Variants in TMEM132B observed in about 807,000 individuals in gnomAD.
TMEM132B encodes transmembrane protein 132B.
Under a neutral mutation model 90.8 loss-of-function variants are expected in TMEM132B, and 18 were observed. The ratio of observed to expected loss-of-function variants is 0.20; its 90% CI spans 0.14 to 0.29. TMEM132B has a LOEUF of 0.29. Ranked by LOEUF, TMEM132B falls within the 10% of genes least tolerant of loss-of-function variation. The pLI is 1.00. For missense variants in TMEM132B, 1,096 were observed against 1,326.8 expected (o/e 0.83, Z 2.70); for synonymous variants, 504 against 523.3 (o/e 0.96, Z 0.50).
chr12:125,335,111 T>C (rs1241464447), intron 1 of TMEM132B, among the ~76,000 whole-genome samples: 4 of 152,196 alleles, frequency 2.6e-5, no homozygotes, highest in African/African-American at 9.7e-5. Context: ...TTGAACACAG[T>C]ATGTCAAATT....
intron 4 of TMEM132B, among the ~76,000 whole-genome samples, chr12:125,524,980 C>G (rs1005202063): frequency 3.9e-5 from 6 of 151,960 alleles, no homozygotes; most frequent in African/African-American, 1.5e-4. Flanking sequence ...TGGACATTAG[C>G]CAAGTGGAAA....
intron 3 of TMEM132B, among the ~76,000 whole-genome samples, chr12:125,469,994 C>A (rs1184535533): frequency 1.3e-5 from 2 of 151,612 alleles, no homozygotes; most frequent in Non-Finnish European, 2.9e-5. Context: ...TATTAAAATA[C>A]AATTTATTTT....
At chr12:125,290,429 T>C (rs1312899819) in intron 1 of TMEM132B, among the ~76,000 whole-genome samples, 2 of 152,238 alleles carry the variant, frequency 1.3e-5, no homozygotes, top group Non-Finnish European at 2.9e-5. Flanking sequence ...CCAGATTTCC[T>C]TCCTTCTCGC....
At chr12:125,537,139 C>T (rs1342820914) in intron 4 of TMEM132B, among the ~76,000 whole-genome samples, 1 of 152,120 alleles carries the variant, frequency 6.6e-6, no homozygotes, top group Non-Finnish European at 1.5e-5. Context: ...CACTCAAGTC[C>T]CAAAGTAGAC....
At chr12:125,455,740 G>A (rs1353732504) in intron 3 of TMEM132B, among the ~76,000 whole-genome samples, 4 of 147,758 alleles carry the variant, frequency 2.7e-5, no homozygotes, top group African/African-American at 7.3e-5. Context: ...ATTTGATCAC[G>A]GCTCCAGCCC....
Position 125,408,119 on chromosome 12 carries a change from T to A in TMEM132B, c.960-7412T>A, listed in dbSNP as rs1270554611. ...GCTTCTGACTTTCCACGAACGGAAT[T>A]GCACAGTGCGCGCTTTTGGTACCTG... On this transcript the variant is annotated intron_variant, in intron 2 of 8. Transcript: ENST00000682704. This position sits in a 1 kb window ranked among gnomAD's most constrained non-coding sequence, Gnocchi z 5.9. Among the ~76,000 whole-genome samples, 2 of 152,186 alleles carry A rather than the reference T, an allele frequency of 1.3e-5. No individual in the cohort carries two copies. The highest frequency in any genetic ancestry group is 1.3e-4 in the Admixed American group (2 of 15,282).
intron 4 of TMEM132B, among the ~76,000 whole-genome samples, chr12:125,568,147 T>C (rs1409473301): frequency 6.6e-6 from 1 of 152,218 alleles, no homozygotes; most frequent in Admixed American, 6.5e-5. Flanking sequence ...GTCTTCTGTC[T>C]CAGTCTGTTT....
chr12:125,517,192 G>A lies in TMEM132B; in HGVS notation c.1107-2247G>A, dbSNP rs544945401. ...CTTTTTTTTTTTTTGAGACAGTTTC[G>A]CACTTTCACCCAGGCTGGAGTGCAG... On this transcript the variant is annotated intron_variant, in intron 3 of 8. Coordinates refer to ENST00000682704, the MANE Select transcript of TMEM132B (RefSeq NM_001366854.1). Among the ~76,000 whole-genome samples the A allele has an allele frequency of 1.7e-3, 260 of 148,858 alleles. 3 individuals carry two copies. The highest frequency in any genetic ancestry group is 6.0e-3 in the African/African-American group (243 of 40,304).
At chr12:125,355,073 TTC>T (rs2136240482) in intron 2 of TMEM132B, among the ~76,000 whole-genome samples, 1 of 152,086 alleles carries the variant, frequency 6.6e-6, no homozygotes, top group African/African-American at 2.4e-5. Flanking sequence ...TTCTGGGCTC[TTC>T]TGCTTGTCTG....
rs539508270 is a variant in TMEM132B, at chr12:125,195,643, A to T, written c.67+8777A>T. Among the ~76,000 whole-genome samples, 72 of 151,788 alleles carry T rather than the reference A, an allele frequency of 4.7e-4. 1 individual carries two copies. Among genetic ancestry groups the T allele is most frequent in the South Asian group, 8.3e-4 (4 of 4,798 alleles). ...TCGAACTCCTGACCTCAGGCAATCC[A>T]CCCACCTTGGCCTCCCAAATTGCTG... On this transcript the variant is annotated intron_variant, in intron 1 of 8. Transcript: ENST00000682704.
chr12:125,528,454 C>T (rs1592976471), intron 4 of TMEM132B, among the ~76,000 whole-genome samples: 2 of 152,190 alleles, frequency 1.3e-5, no homozygotes, highest in Non-Finnish European at 2.9e-5. Context: ...CCTTTTTAGT[C>T]GTATTGGCCT....
At chr12:125,257,952 A>C (rs975325221) in intron 1 of TMEM132B, among the ~76,000 whole-genome samples, 2 of 152,224 alleles carry the variant, frequency 1.3e-5, no homozygotes, top group African/African-American at 2.4e-5. Flanking sequence ...CTTCCAGAAC[A>C]AAGAGAGTAA....
At chr12:125,612,680 A>T (rs1279849154) in intron 5 of TMEM132B, among the ~76,000 whole-genome samples, 1 of 143,752 alleles carries the variant, frequency 7.0e-6, no homozygotes, top group Non-Finnish European at 1.5e-5. Context: ...GTAACATTAA[A>T]AAATCCATCT....
chr12:125,349,829 G>T lies in TMEM132B; in HGVS notation c.445G>T (p.Gly149Cys), dbSNP rs575745159. The T allele has an allele frequency of 6.2e-7, 1 of 1,614,218 alleles. No individual in the cohort carries two copies. The highest frequency in any genetic ancestry group is 2.2e-5 in the East Asian group (1 of 44,876). ...AGTGCAGACCTTGTTTTATGTCACT[G>T]GCATGGGCTGGGATGACAGTGACCT... is the stretch of plus-strand genomic sequence containing the variant. The part of the protein sequence containing the change: ...PKVQTLFYVT[G>C]MGWDDSDLTE... The change falls in exon 2 of 9, where the codon GGC becomes TGC. Residue 149 changes from glycine to cysteine, a missense_variant. By Grantham distance (159) the Gly-to-Cys change is radical. Transcript: ENST00000682704. This position sits in a 1 kb window ranked among gnomAD's most constrained non-coding sequence, Gnocchi z 4.1.
At chr12:125,529,289 G>T (rs1018736415) in intron 4 of TMEM132B, among the ~76,000 whole-genome samples, 1 of 152,052 alleles carries the variant, frequency 6.6e-6, no homozygotes, top group Non-Finnish European at 1.5e-5. Context: ...TAGAGATGAG[G>T]TCTCACCATG....
At chr12:125,428,680 C>A (rs1398683667) in intron 3 of TMEM132B, among the ~76,000 whole-genome samples, 3 of 152,150 alleles carry the variant, frequency 2.0e-5, no homozygotes, top group Admixed American at 6.5e-5. Context: ...CTGCACCATG[C>A]CTTTAAATCT....
chr12:125,189,930 G>A (rs1001554936), intron 1 of TMEM132B, among the ~76,000 whole-genome samples: 3 of 152,168 alleles, frequency 2.0e-5, no homozygotes, highest in African/African-American at 7.2e-5. Context: ...TTTGAATGGG[G>A]ATGGAGGGGG....
intron 2 of TMEM132B, among the ~76,000 whole-genome samples, chr12:125,399,222 C>A (rs1879243146): frequency 6.6e-6 from 1 of 152,190 alleles, no homozygotes; most frequent in South Asian, 2.1e-4. Flanking sequence ...TCAGTTCCTA[C>A]CCACACTCAA....
intron 4 of TMEM132B, among the ~76,000 whole-genome samples, chr12:125,577,654 G>C (rs1884970296): frequency 6.6e-6 from 1 of 150,938 alleles, no homozygotes; most frequent in Non-Finnish European, 1.5e-5. Context: ...TCTAGGTTTA[G>C]TTTGCTCTTT....
Sources: gnomAD v4.1 joint callset for allele counts (sites outside exome capture counted in the v4.1 genomes callset) on GRCh38, gnomAD v4.1.1 for gene constraint, Gnocchi (gnomAD v3.1) non-coding constraint, MANE v1.5 for transcripts, NCBI Gene and HGNC (gene_info 2026-07-23, HGNC 2026-07-21) for gene names.